The following PLCL2 variants were observed in gnomAD, a reference collection of about 807,000 sequenced individuals.
PLCL2 encodes inactive phospholipase C-like protein 2.
In PLCL2, 4 loss-of-function variants were observed where a neutral mutation model predicts 79.6. The observed-to-expected ratio is 0.05, with a 90% CI of 0.02 to 0.11. PLCL2 has a LOEUF of 0.11. Among genes scored for constraint, PLCL2 ranks in the 10% least tolerant of loss-of-function variants. PLCL2 has a pLI of 1.00. For missense variants in PLCL2, 895 were observed against 1,291.0 expected (o/e 0.69, Z 4.70); for synonymous variants, 484 against 457.7 (o/e 1.06, Z -0.73).
At chr3:17,084,189 G>T (rs1274141447) in intron 5 of PLCL2, among the ~76,000 whole-genome samples, 2 of 152,084 alleles carry the variant, frequency 1.3e-5, no homozygotes, top group African/African-American at 2.4e-5. Flanking sequence ...AAACCTAGAT[G>T]AAATAGGCCA....
At chr3:17,015,247 T>A (rs1461353028) in intron 3 of PLCL2, among the ~76,000 whole-genome samples, 1 of 152,210 alleles carries the variant, frequency 6.6e-6, no homozygotes, top group African/African-American at 2.4e-5. Flanking sequence ...AGTCATTGAT[T>A]ATTTGTTTTC....
At chr3:16,943,755 G>A (rs555282711) in intron 1 of PLCL2, among the ~76,000 whole-genome samples, 1 of 152,266 alleles carries the variant, frequency 6.6e-6, no homozygotes, top group African/African-American at 2.4e-5. Flanking sequence ...GTTGCATGGT[G>A]TTTTTTGTAA....
intron 1 of PLCL2, among the ~76,000 whole-genome samples, chr3:16,990,283 G>C (rs557744713): frequency 2.8e-4 from 43 of 152,312 alleles, no homozygotes; most frequent in African/African-American, 9.9e-4. Context: ...TTTAGGGTTA[G>C]CTACACAGGA....
At chr3:16,917,393 C>T (rs1451725871) in intron 1 of PLCL2, among the ~76,000 whole-genome samples, 1 of 152,114 alleles carries the variant, frequency 6.6e-6, no homozygotes, top group Non-Finnish European at 1.5e-5. Flanking sequence ...GAACAGTGAC[C>T]ATTTTATTAT....
intron 1 of PLCL2, among the ~76,000 whole-genome samples, chr3:16,912,409 G>T (rs1311606070): frequency 1.3e-5 from 2 of 152,170 alleles, no homozygotes; most frequent in Admixed American, 1.3e-4. Flanking sequence ...AATGTATATA[G>T]TTGGACAAAA....
At chr3:16,970,189 C>T (rs11915356) in intron 1 of PLCL2, among the ~76,000 whole-genome samples, 38,436 of 151,514 alleles carry the variant, frequency 0.25, 5,342 homozygotes, top group East Asian at 0.53. Context: ...TTAGGTATAT[C>T]GCCTAATGCT....
intron 3 of PLCL2, among the ~76,000 whole-genome samples, chr3:17,032,212 G>A (rs1280835410): frequency 3.3e-5 from 5 of 151,930 alleles, no homozygotes; most frequent in Admixed American, 6.6e-5. Context: ...CCCCTCCAGC[G>A]ACCTTTTCAA....
At chr3:17,029,362 AG>A (rs1215788158) in intron 3 of PLCL2, among the ~76,000 whole-genome samples, 1 of 149,502 alleles carries the variant, frequency 6.7e-6, no homozygotes, top group African/African-American at 2.6e-5. Flanking sequence ...AAAGAAAGAA[AG>A]AAAAAAAAAA....
chr3:16,961,837 C>T (rs1428346047), intron 1 of PLCL2, among the ~76,000 whole-genome samples: 1 of 152,074 alleles, frequency 6.6e-6, no homozygotes, highest in Non-Finnish European at 1.5e-5. Context: ...TTCCCAGGAC[C>T]CAAGGGGGCA....
chr3:16,971,215 A>T (rs1261653560), intron 1 of PLCL2, among the ~76,000 whole-genome samples: 4 of 151,796 alleles, frequency 2.6e-5, no homozygotes, highest in Admixed American at 6.6e-5. Flanking sequence ...TTAAGTCTTT[A>T]ATCCATCTTG....
chr3:17,048,817 T>C (rs1175627199), intron 4 of PLCL2, among the ~76,000 whole-genome samples: 1 of 152,210 alleles, frequency 6.6e-6, no homozygotes, highest in Non-Finnish European at 1.5e-5. Flanking sequence ...TTATTCATCA[T>C]GTTTAGTGCA....
intron 5 of PLCL2, among the ~76,000 whole-genome samples, chr3:17,085,639 C>T (rs1266033007): frequency 4.0e-5 from 6 of 151,238 alleles, no homozygotes; most frequent in Non-Finnish European, 7.4e-5. Context: ...TTAGTAGAGA[C>T]GGGGTTTCAC....
At chr3:17,071,445 T>C (rs2065059799) in intron 5 of PLCL2, among the ~76,000 whole-genome samples, 1 of 152,238 alleles carries the variant, frequency 6.6e-6, no homozygotes, top group African/African-American at 2.4e-5. Flanking sequence ...CCAGTCATTT[T>C]TTTTCTTGAA....
chr3:17,010,624 G>A lies in PLCL2; in HGVS notation c.1278G>A (p.Gln426=). The change falls in exon 2 of 6, where the codon CAG becomes CAA. Residue 426 remains glutamine (Q), a synonymous_variant. Transcript: ENST00000615277. The surrounding 1 kb of genome is among the most constrained non-coding windows in gnomAD (Gnocchi z 5.8). ...ATCCAGAACATAAGAAGGTCTGTCA[G>A]GATATGAAGCAACCTCTGTCTCATT... ...IFDPEHKKVC[Q]DMKQPLSHYF... is the part of the protein sequence containing the mutation. The A allele has an allele frequency of 6.2e-7, 1 of 1,614,044 alleles. No homozygotes were observed. The highest frequency in any genetic ancestry group is 1.1e-5 in the South Asian group (1 of 91,070).
intron 1 of PLCL2, among the ~76,000 whole-genome samples, chr3:16,996,663 C>T (rs1308070553): frequency 1.3e-5 from 2 of 151,642 alleles, no homozygotes; most frequent in African/African-American, 4.9e-5. Flanking sequence ...ATGGTAGAGA[C>T]CCAATTTATA....
chr3:16,905,592 A>C (rs1696731920), intron 1 of PLCL2, among the ~76,000 whole-genome samples: 1 of 152,248 alleles, frequency 6.6e-6, no homozygotes, highest in African/African-American at 2.4e-5. Context: ...TGTAAAGGAA[A>C]TAAATTTCCA....
chr3:16,962,014 G>A (rs2063759645), intron 1 of PLCL2, among the ~76,000 whole-genome samples: 1 of 152,144 alleles, frequency 6.6e-6, no homozygotes, highest in South Asian at 2.1e-4. Context: ...TGGGACTGAT[G>A]AGCAAGCTGA....
intron 1 of PLCL2, among the ~76,000 whole-genome samples, chr3:16,999,220 G>A (rs1488331898): frequency 6.6e-6 from 1 of 152,128 alleles, no homozygotes; most frequent in Non-Finnish European, 1.5e-5. Flanking sequence ...TGAGAGGGCA[G>A]CTGGCTATCT....
At chr3:16,988,922 T>C (rs2064077575) in intron 1 of PLCL2, among the ~76,000 whole-genome samples, 1 of 152,138 alleles carries the variant, frequency 6.6e-6, no homozygotes, top group South Asian at 2.1e-4. Flanking sequence ...TTAGATACTA[T>C]CAGGCATATG....
Sources: allele counts gnomAD v4.1 joint callset (sites outside exome capture counted in the v4.1 genomes callset), GRCh38; gene constraint gnomAD v4.1.1; non-coding constraint Gnocchi (gnomAD v3.1); transcripts MANE v1.5; gene names NCBI Gene and HGNC (gene_info 2026-07-23, HGNC 2026-07-21).